COL6A6: variants seen among roughly 807,000 people sequenced by gnomAD.
COL6A6 encodes collagen type VI alpha 6 chain.
In COL6A6, 183 loss-of-function variants were observed where a neutral mutation model predicts 208.6. That is an observed-to-expected ratio of 0.88 (90% CI 0.78 to 0.99). The LOEUF (loss-of-function observed/expected upper bound fraction) is 0.99, where lower values mean the gene tolerates loss of function less well. Among genes scored for constraint, COL6A6 ranks in the 50% least tolerant of loss-of-function variants. The pLI is 0.00. For synonymous variants in COL6A6, 973 were observed against 1,011.8 expected, an observed-to-expected ratio of 0.96 and a Z score of 0.73; for missense variants, 2,816 against 2,815.2, an observed-to-expected ratio of 1.00 and a Z score of -0.01.
At chr3:130,651,200 G>A (rs1020557718) in intron 33 of COL6A6, among the ~76,000 whole-genome samples, 3 of 152,096 alleles carry the variant, frequency 2.0e-5, no homozygotes, top group African/African-American at 4.8e-5. Context: ...GGCTGAGGCG[G>A]GCAGATCACG....
At position 130,599,830 on chromosome 3, in the gene COL6A6, A is replaced by G; in HGVS notation, c.4653+20A>G. The G allele has an allele frequency of 6.2e-7, 1 of 1,612,922 alleles. No homozygotes were observed. The highest frequency in any genetic ancestry group is 8.5e-7 in the Non-Finnish European group (1 of 1,179,188). ...AAGACAGTAAGAGCCCTTCTAGACA[A>G]GGAGACCCACTGTTTTGGTGGCTCA... On this transcript the variant is annotated intron_variant, in intron 20 of 36. Transcript: ENST00000358511.
At chr3:130,634,079 C>A (rs1576362778) in intron 26 of COL6A6, among the ~76,000 whole-genome samples, 1 of 98,464 alleles carries the variant, frequency 1.0e-5, no homozygotes, top group Non-Finnish European at 1.7e-5. Flanking sequence ...AAAAAAAATG[C>A]CAGTTACATT....
At chr3:130,528,948 C>G (rs60110784) in intron 1 of COL6A6, among the ~76,000 whole-genome samples, 3,884 of 152,186 alleles carry the variant, frequency 0.026, 153 homozygotes, top group African/African-American at 0.088. Context: ...AAAAAATTAG[C>G]CAGGTGTGGT....
chr3:130,599,885 G>T, intron 20 of COL6A6, 75 bp downstream of exon 20: 1 of 1,378,516 alleles, frequency 7.3e-7, no homozygotes, highest in Non-Finnish European at 1.0e-6. Context: ...GACTTTGGGG[G>T]AGTGGGTGGG....
chr3:130,567,338 T>C (rs2063052361), intron 5 of COL6A6, 76 bp downstream of exon 5: 1 of 1,151,002 alleles, frequency 8.7e-7, no homozygotes, highest in African/African-American at 1.5e-5. Context: ...CATTGCTGGT[T>C]TAGAAAAACA....
intron 25 of COL6A6, 30 bp from the exon 26 acceptor site, chr3:130,627,289 G>T: frequency 6.2e-7 from 1 of 1,604,320 alleles, no homozygotes; most frequent in Non-Finnish European, 8.5e-7. Context: ...TGTAGTCTGG[G>T]ATGTTGGTAA....
At chr3:130,582,917 T>TG (rs2063458440) in intron 10 of COL6A6, among the ~76,000 whole-genome samples, 1 of 152,176 alleles carries the variant, frequency 6.6e-6, no homozygotes, top group African/African-American at 2.4e-5. Flanking sequence ...ACCAGTGGTG[T>TG]GCTGCAATTT....
At position 130,649,493 on chromosome 3, in the gene COL6A6, C is replaced by G; in HGVS notation, c.5664C>G (p.Phe1888Leu). ...CCATCACCACGGCTGCCATGGAGTT[C>G]GGCGCGCTTGAAATCATTCCCGTGG... ...AHSITTAAME[F>L]GALEIIPVVI... Residue 1888 changes from phenylalanine (F) to leucine (L), a missense_variant, in exon 33 of 37, where the codon TTC (phenylalanine) becomes TTG (leucine). Transcript: ENST00000358511. The G allele has an allele frequency of 6.2e-7, 1 of 1,607,676 alleles. No individual in the cohort carries two copies. The highest frequency in any genetic ancestry group is 1.1e-5 in the South Asian group (1 of 89,634).
intron 33 of COL6A6, among the ~76,000 whole-genome samples, chr3:130,649,919 A>C (rs2065584480): frequency 1.3e-5 from 2 of 152,088 alleles, no homozygotes; most frequent in Middle Eastern, 3.4e-3. Flanking sequence ...TCCCCAAGCT[A>C]CTCTTTGAGT....
intron 13 of COL6A6, among the ~76,000 whole-genome samples, chr3:130,591,688 A>G (rs1019463627): frequency 1.3e-5 from 2 of 152,238 alleles, no homozygotes; most frequent in Admixed American, 1.3e-4. Flanking sequence ...TTCTACCTCC[A>G]GGAAACTTTC....
rs770682465 is a variant in COL6A6, at chr3:130,644,991, C to T, written c.5228C>T (p.Pro1743Leu). ...ELIQYVRDRS[P>L]GRHGKPECPV... is the part of the protein sequence containing the mutation. ...AATCTCCTTTGTTCTTCTTCCCCAG[C>T]TGGCAGGCATGGTGAGTAATCTTTA... Residue 1743 changes from proline to leucine, a missense_variant and splice_region_variant, in exon 32 of 37, where the codon CCT becomes CTT. Transcript: ENST00000358511. The T allele has an allele frequency of 4.3e-6, 7 of 1,611,986 alleles. No individual in the cohort carries two copies. Among genetic ancestry groups the T allele is most frequent in the Non-Finnish European group, 5.9e-6 (7 of 1,178,158 alleles).
intron 33 of COL6A6, among the ~76,000 whole-genome samples, chr3:130,657,928 G>T (rs539130905): frequency 3.9e-5 from 6 of 152,160 alleles, no homozygotes; most frequent in Non-Finnish European, 7.4e-5. Context: ...AATTATCAAT[G>T]ATCTCTGGGT....
chr3:130,590,121 A>G (rs2063638332), intron 12 of COL6A6: 2 of 377,150 alleles, frequency 5.3e-6, no homozygotes, highest in Non-Finnish European at 1.1e-5. Context: ...ATCAGTGGCA[A>G]ATATAGCTGT....
At chr3:130,597,148 C>T (rs541228906) in intron 18 of COL6A6, among the ~76,000 whole-genome samples, 4 of 152,260 alleles carry the variant, frequency 2.6e-5, no homozygotes, top group Admixed American at 6.5e-5. Context: ...CTGGACTTTA[C>T]GTGACCTTCC....
chr3:130,590,047 T>G (rs2063636439), intron 12 of COL6A6: 4 of 447,074 alleles, frequency 8.9e-6, no homozygotes, highest in Non-Finnish European at 1.8e-5. Flanking sequence ...GTGTGTGGTC[T>G]ATTTTTCTAT....
In COL6A6 at chr3:130,606,963, A is replaced by G. The variant is rs953726516; in HGVS notation, c.4686A>G (p.Pro1562=). 18 of 1,608,330 alleles carry G rather than the reference A, an allele frequency of 1.1e-5. No homozygotes were observed. Among genetic ancestry groups the G allele is most frequent in the Admixed American group, 8.5e-5 (5 of 58,832 alleles). Residue 1562 remains proline (P), a synonymous_variant, in exon 21 of 37, where the codon CCA becomes CCG. Coordinates refer to ENST00000358511, the MANE Select transcript of COL6A6 (RefSeq NM_001102608.3). ...AAHGRRGHTG[P]QGTAGIPGPD... ...ATGGCAGAAGGGGACATACAGGCCC[A>G]CAGGTACAATGATTTTTCCCCTTAA...
chr3:130,644,028 C>A (rs2065394084), intron 31 of COL6A6, among the ~76,000 whole-genome samples: 1 of 151,926 alleles, frequency 6.6e-6, no homozygotes, highest in Non-Finnish European at 1.5e-5. Context: ...GACTCAAGGG[C>A]AAATCCAAGT....
At chr3:130,621,544 T>C (rs1388944266) in intron 23 of COL6A6, among the ~76,000 whole-genome samples, 8 of 152,216 alleles carry the variant, frequency 5.3e-5, no homozygotes, top group Non-Finnish European at 1.2e-4. Flanking sequence ...TTTAACAACA[T>C]CTGTTCTTAG....
In COL6A6 at chr3:130,582,109, T is replaced by C. The variant is rs139440587; in HGVS notation, c.3970+41T>C. 1,573 of 1,243,130 alleles carry C rather than the reference T, an allele frequency of 1.3e-3. 22 individuals are homozygous for C. In the African/African-American group the frequency reaches 0.02, roughly 16 times the overall value. The allele number at this position is 1,243,130 out of a possible 1,614,324, so 77.0% of individuals were successfully genotyped here. A position where few individuals can be genotyped will look rare whatever the true frequency, so the allele number is the denominator to read the frequency against. ...AAGTGGGAAGGGAGTGCTTATTAAC[T>C]TTATAATCTCAGAACTAAATTCTGG... is the stretch of plus-strand genomic sequence containing the variant. On this transcript the variant is annotated intron_variant, in intron 10 of 36. Transcript: ENST00000358511.
Sources: gnomAD v4.1 joint callset for allele counts (sites outside exome capture counted in the v4.1 genomes callset) on GRCh38, gnomAD v4.1.1 for gene constraint, MANE v1.5 for transcripts, NCBI Gene and HGNC (gene_info 2026-07-23, HGNC 2026-07-21) for gene names.